The following ANTXR2 variants were observed in gnomAD, a reference collection of about 807,000 sequenced individuals.
The protein encoded by ANTXR2 is anthrax toxin receptor 2.
In ANTXR2, 44 loss-of-function variants were observed where a neutral mutation model predicts 73.7. The observed-to-expected ratio is 0.60, with a 90% confidence interval of 0.47 to 0.77. ANTXR2 has a LOEUF of 0.77. ANTXR2 is among the 30% of genes least tolerant of loss of function. ANTXR2 has a pLI of 0.00. For missense variants in ANTXR2, 604 were observed against 592.5 expected (o/e 1.02, Z -0.20); for synonymous variants, 217 against 205.9 (o/e 1.05, Z -0.46).
In ANTXR2 at chr4:79,977,694, A is replaced by C. The variant is rs773599236; in HGVS notation, c.1355T>G (p.Leu452Arg). The C allele has an allele frequency of 1.0e-5, 16 of 1,574,650 alleles. No individual in the cohort carries two copies. The highest frequency in any genetic ancestry group is 1.4e-5 in the Non-Finnish European group (16 of 1,159,366). ...TKWYTPIKGR[L>R]DALWALLRRQ... ...CCTCAACAAAGCCCAGAGAGCATCAAGACGACCCTAAGGGAAAATGAGATT... is the reference window on the plus strand; with the variant it reads ...CCTCAACAAAGCCCAGAGAGCATCACGACGACCCTAAGGGAAAATGAGATT... Residue 452 changes from leucine (L) to arginine (R), a missense_variant, in exon 16 of 17, where the codon CTT becomes CGT. Coordinates refer to ENST00000403729, the MANE Select transcript of ANTXR2 (RefSeq NM_058172.6).
At chr4:79,984,969 G>A (rs988975690) in intron 12 of ANTXR2, 106 bp from the exon 13 acceptor site, 16 of 913,536 alleles carry the variant, frequency 1.8e-5, no homozygotes, top group Admixed American at 2.6e-5. Context: ...CTCCAAAGAA[G>A]TCCCTCACTG....
At chr4:80,071,343 A>C (rs1032069839) in intron 2 of ANTXR2, among the ~76,000 whole-genome samples, 1 of 152,242 alleles carries the variant, frequency 6.6e-6, no homozygotes, top group Non-Finnish European at 1.5e-5. Context: ...AGAAAAAGAC[A>C]TTTGGAATAG....
chr4:80,063,373 C>T (rs536101452), intron 3 of ANTXR2, among the ~76,000 whole-genome samples: 4 of 152,252 alleles, frequency 2.6e-5, no homozygotes, highest in East Asian at 1.9e-4. Context: ...TTCCTGAATG[C>T]TTCTTGTTTC....
intron 3 of ANTXR2, among the ~76,000 whole-genome samples, chr4:80,061,579 T>G (rs1186567959): frequency 6.6e-6 from 1 of 152,146 alleles, no homozygotes; most frequent in Non-Finnish European, 1.5e-5. Context: ...AATGTTTCTT[T>G]TAGGGTAAAA....
intron 12 of ANTXR2, among the ~76,000 whole-genome samples, chr4:79,994,475 G>A (rs1276811926): frequency 6.6e-6 from 1 of 151,902 alleles, no homozygotes; most frequent in Non-Finnish European, 1.5e-5. Context: ...TAATACATCT[G>A]AACTCATTTT....
chr4:80,024,567 C>G, intron 10 of ANTXR2: 1 of 324,018 alleles, frequency 3.1e-6, no homozygotes, highest in Non-Finnish European at 6.1e-6. Flanking sequence ...TTGAGACCAG[C>G]CTGGGAAACA....
chr4:79,934,418 T>C (rs1383860275), intron 16 of ANTXR2, among the ~76,000 whole-genome samples: 4 of 152,012 alleles, frequency 2.6e-5, no homozygotes, highest in Admixed American at 2.6e-4. Flanking sequence ...TCCCAGCTAC[T>C]TGGGAGGCTG....
chr4:80,058,629 A>T (rs369610790), intron 3 of ANTXR2, among the ~76,000 whole-genome samples: 3 of 152,054 alleles, frequency 2.0e-5, no homozygotes, highest in East Asian at 3.9e-4. Context: ...TGAAAAAGCA[A>T]AATAATGTGG....
At chr4:79,946,422 T>A (rs1329618955) in intron 16 of ANTXR2, among the ~76,000 whole-genome samples, 1 of 152,210 alleles carries the variant, frequency 6.6e-6, no homozygotes, top group Admixed American at 6.6e-5. Flanking sequence ...AACAGAGGTC[T>A]CAGCCAATCC....
At chr4:80,014,249 T>G (rs1731731678) in intron 11 of ANTXR2, among the ~76,000 whole-genome samples, 1 of 152,108 alleles carries the variant, frequency 6.6e-6, no homozygotes, top group African/African-American at 2.4e-5. Context: ...GGGTCTTGGA[T>G]CTCCCTTTTC....
intron 16 of ANTXR2, among the ~76,000 whole-genome samples, chr4:79,928,231 T>A (rs1466009308): frequency 6.6e-6 from 1 of 152,204 alleles, no homozygotes; most frequent in Non-Finnish European, 1.5e-5. Flanking sequence ...CATAAGGCAC[T>A]ATGGCAGGTG....
At chr4:80,069,631 T>C (rs1255077839) in intron 2 of ANTXR2, 124 bp from the exon 3 acceptor site, 2 of 690,658 alleles carry the variant, frequency 2.9e-6, no homozygotes, top group South Asian at 2.0e-5. Context: ...TTCTTTTAAA[T>C]GACATTCCCT....
intron 12 of ANTXR2, among the ~76,000 whole-genome samples, chr4:79,993,114 G>C (rs1730549097): frequency 6.6e-6 from 1 of 152,020 alleles, no homozygotes; most frequent in Admixed American, 6.6e-5. Flanking sequence ...ATGAGAACAG[G>C]TGTTATGTCT....
chr4:79,990,463 C>T (rs1730416152), intron 12 of ANTXR2, among the ~76,000 whole-genome samples: 1 of 147,518 alleles, frequency 6.8e-6, no homozygotes, highest in African/African-American at 2.5e-5. Context: ...TTACCAAACT[C>T]TGCTGAAAGT....
chr4:79,915,487 T>C lies in ANTXR2; in HGVS notation c.1429-8020A>G, dbSNP rs1348325536. Among the ~76,000 whole-genome samples the C allele has an allele frequency of 2.6e-5, 4 of 152,148 alleles. No homozygotes were observed. The East Asian group carries it at 5.8e-4, about 22-fold the overall frequency. On this transcript the variant is annotated intron_variant, in intron 16 of 16. Coordinates refer to ENST00000403729, the MANE Select transcript of ANTXR2 (RefSeq NM_058172.6). ...ATTATGCTCACCTCATAAATATCCA[T>C]TGACAAGCTGAAGCAAACAACTGCA...
intron 16 of ANTXR2, among the ~76,000 whole-genome samples, chr4:79,911,299 C>T (rs1727122410): frequency 6.6e-6 from 1 of 152,140 alleles, no homozygotes; most frequent in Non-Finnish European, 1.5e-5. Flanking sequence ...GAACATACAA[C>T]TCATCAAAGA....
chr4:80,036,798 A>G (rs1732994819), intron 7 of ANTXR2, among the ~76,000 whole-genome samples: 1 of 152,168 alleles, frequency 6.6e-6, no homozygotes, highest in African/African-American at 2.4e-5. Flanking sequence ...AAACAAATAA[A>G]TAAATTAAAA....
At chr4:79,998,464 AT>A (rs1234412818) in intron 12 of ANTXR2, among the ~76,000 whole-genome samples, 1 of 151,956 alleles carries the variant, frequency 6.6e-6, no homozygotes, top group African/African-American at 2.4e-5. Context: ...CTCATCTGTA[AT>A]TCATCTGGAC....
chr4:79,910,939 A>G (rs1226449119), intron 16 of ANTXR2, among the ~76,000 whole-genome samples: 4 of 151,952 alleles, frequency 2.6e-5, no homozygotes, highest in Non-Finnish European at 4.4e-5. Context: ...CTTCCAGGCA[A>G]CTACTTCACA....
Sources: gnomAD v4.1 joint callset for allele counts (sites outside exome capture counted in the v4.1 genomes callset) on GRCh38, gnomAD v4.1.1 for gene constraint, MANE v1.5 for transcripts, NCBI Gene and HGNC (gene_info 2026-07-23, HGNC 2026-07-21) for gene names.